CADPS2: variants seen among roughly 807,000 people sequenced by gnomAD.
CADPS2 encodes calcium-dependent secretion activator 2.
CADPS2 carries 93 observed loss-of-function variants against 172.5 expected under a neutral mutation model. The observed-to-expected ratio is 0.54, with a 90% CI of 0.46 to 0.64. The LOEUF is 0.64. CADPS2 is among the 30% of genes least tolerant of loss of function. The pLI, the probability that CADPS2 is intolerant of heterozygous loss-of-function variation, is 0.00. For synonymous variants in CADPS2, 546 were observed against 555.2 expected (o/e 0.98, Z 0.23); for missense variants, 1,420 against 1,565.9 (o/e 0.91, Z 1.57).
At chr7:122,885,528 C>T (rs1824109046) in intron 1 of CADPS2, among the ~76,000 whole-genome samples, 1 of 152,160 alleles carries the variant, frequency 6.6e-6, no homozygotes, top group Non-Finnish European at 1.5e-5. Context: ...TAAGTGAAGA[C>T]TTCACTCTAG....
At chr7:122,603,822 A>G (rs1045590959) in intron 6 of CADPS2, among the ~76,000 whole-genome samples, 2 of 152,158 alleles carry the variant, frequency 1.3e-5, no homozygotes, top group South Asian at 2.1e-4. Context: ...TATGATCTTT[A>G]TATGTAGAAT....
chr7:122,336,737 G>A (rs892713189), intron 28 of CADPS2, among the ~76,000 whole-genome samples: 6 of 152,138 alleles, frequency 3.9e-5, no homozygotes, highest in African/African-American at 1.2e-4. Flanking sequence ...ATTTCTCCAC[G>A]AAAATGAAAG....
At chr7:122,856,241 G>C (rs187765833) in intron 1 of CADPS2, among the ~76,000 whole-genome samples, 1 of 152,280 alleles carries the variant, frequency 6.6e-6, no homozygotes, top group Non-Finnish European at 1.5e-5. Flanking sequence ...TTTCTGTTCA[G>C]AGCCAACATA....
intron 25 of CADPS2, among the ~76,000 whole-genome samples, chr7:122,374,257 T>C (rs1468535335): frequency 6.6e-6 from 1 of 152,044 alleles, no homozygotes; most frequent in African/African-American, 2.4e-5. Context: ...TATCTCGACA[T>C]AATAAAGGCT....
intron 12 of CADPS2, among the ~76,000 whole-genome samples, chr7:122,477,767 T>C (rs1266050511): frequency 6.6e-6 from 1 of 152,184 alleles, no homozygotes; most frequent in African/African-American, 2.4e-5. Context: ...AAATCTGTCA[T>C]CTCACGTAGC....
Position 122,681,523 on chromosome 7 carries a change from A to C in CADPS2, c.454-17954T>G. The C allele has an allele frequency of 2.1e-6, 3 of 1,462,554 alleles. No individual in the cohort carries two copies. The South Asian group carries it at 3.4e-5, about 17-fold the overall frequency. 90.6% of individuals were successfully genotyped at this position (1,462,554 alleles called of 1,614,324 possible). On this transcript the variant is annotated intron_variant, in intron 2 of 29. Coordinates refer to ENST00000449022, the MANE Select transcript of CADPS2 (RefSeq NM_017954.11). The stretch of plus-strand genomic sequence containing the variant: ...TATGTGCTTCCCAAGCTGTATGTGA[A>C]GCTACATTACTGTGTGAGTTGTGCA...
At chr7:122,477,637 A>C (rs777506512) in intron 12 of CADPS2, among the ~76,000 whole-genome samples, 60 of 152,272 alleles carry the variant, frequency 3.9e-4, no homozygotes, top group Non-Finnish European at 6.3e-4. Flanking sequence ...AAACAGATGT[A>C]ATACGGCTGA....
chr7:122,868,368 G>A (rs1302072465), intron 1 of CADPS2, among the ~76,000 whole-genome samples: 1 of 152,016 alleles, frequency 6.6e-6, no homozygotes, highest in Non-Finnish European at 1.5e-5. Context: ...AATGAGTGGG[G>A]GATAAATTCC....
chr7:122,470,061 T>C (rs2055712099), intron 14 of CADPS2, among the ~76,000 whole-genome samples: 1 of 152,168 alleles, frequency 6.6e-6, no homozygotes, highest in Non-Finnish European at 1.5e-5. Flanking sequence ...AAGAGGATGG[T>C]AATGGGAAAA....
chr7:122,697,203 C>T (rs1395962890), intron 2 of CADPS2, among the ~76,000 whole-genome samples: 1 of 151,498 alleles, frequency 6.6e-6, no homozygotes, highest in African/African-American at 2.4e-5. Flanking sequence ...AGATGCATAT[C>T]ACAAAAAAAA....
At chr7:122,718,117 C>T (rs1424097272) in intron 2 of CADPS2, among the ~76,000 whole-genome samples, 1 of 150,982 alleles carries the variant, frequency 6.6e-6, no homozygotes, top group Non-Finnish European at 1.5e-5. Context: ...AGGCATGAGC[C>T]ACCACGCCTG....
chr7:122,653,268 G>A (rs2079373910), intron 3 of CADPS2, among the ~76,000 whole-genome samples: 2 of 152,162 alleles, frequency 1.3e-5, no homozygotes, highest in African/African-American at 4.8e-5. Context: ...CCACACAAGG[G>A]TAAACACATA....
chr7:122,578,435 T>C (rs1245644408), intron 7 of CADPS2, among the ~76,000 whole-genome samples: 1 of 152,122 alleles, frequency 6.6e-6, no homozygotes. Flanking sequence ...TAACAGAAGA[T>C]GAATTTGGAG....
chr7:122,374,948 C>T (rs1468230863), intron 25 of CADPS2, among the ~76,000 whole-genome samples: 1 of 152,084 alleles, frequency 6.6e-6, no homozygotes, highest in Non-Finnish European at 1.5e-5. Flanking sequence ...ATCTCATCTA[C>T]AATAGCATCA....
At chr7:122,761,261 A>G (rs533136069) in intron 1 of CADPS2, among the ~76,000 whole-genome samples, 1 of 152,278 alleles carries the variant, frequency 6.6e-6, no homozygotes, top group South Asian at 2.1e-4. Flanking sequence ...TTCCATACAC[A>G]ATGTTAAAAA....
chr7:122,697,878 A>G (rs2085364267), intron 2 of CADPS2: 2 of 1,613,514 alleles, frequency 1.2e-6, no homozygotes, highest in Admixed American at 1.7e-5. Flanking sequence ...GGATTACTTT[A>G]TCTGAGGTTC....
chr7:122,714,838 T>C (rs1588676648), intron 2 of CADPS2, among the ~76,000 whole-genome samples: 1 of 152,178 alleles, frequency 6.6e-6, no homozygotes, highest in Non-Finnish European at 1.5e-5. Flanking sequence ...ATTTGGTGTT[T>C]AGCACTCTGT....
chr7:122,423,380 G>C (rs1160252270), intron 17 of CADPS2, among the ~76,000 whole-genome samples: 1 of 152,014 alleles, frequency 6.6e-6, no homozygotes, highest in Non-Finnish European at 1.5e-5. Flanking sequence ...TTGTGGCTAG[G>C]TGCACCTAAG....
intron 24 of CADPS2, among the ~76,000 whole-genome samples, chr7:122,384,260 T>C (rs951266751): frequency 6.6e-6 from 1 of 152,144 alleles, no homozygotes; most frequent in Non-Finnish European, 1.5e-5. Context: ...CAGAAGGGAA[T>C]GCATTGTGAG....
Sources: gnomAD v4.1 joint callset for allele counts (sites outside exome capture counted in the v4.1 genomes callset) on GRCh38, gnomAD v4.1.1 for gene constraint, MANE v1.5 for transcripts, NCBI Gene and HGNC (gene_info 2026-07-23, HGNC 2026-07-21) for gene names.